The following NDC1 variants were observed in gnomAD, a reference collection of about 807,000 sequenced individuals.
NDC1 encodes the protein nucleoporin NDC1.
A neutral mutation model predicts 89.8 loss-of-function variants in NDC1; 24 were observed. The ratio of observed to expected loss-of-function variants is 0.27; its 90% CI spans 0.19 to 0.38. The LOEUF is 0.38. Among genes scored for constraint, NDC1 ranks in the 10% least tolerant of loss-of-function variants. NDC1 has a pLI of 1.00. For missense variants in NDC1, 728 were observed against 797.6 expected (o/e 0.91, Z 1.05); for synonymous variants, 296 against 284.8 (o/e 1.04, Z -0.39).
chr1:53,785,721 C>T (rs997362275), intron 16 of NDC1, among the ~76,000 whole-genome samples: 6 of 152,082 alleles, frequency 3.9e-5, no homozygotes, highest in Middle Eastern at 3.4e-3. Flanking sequence ...TATAGGTGCG[C>T]ACCACCACAC....
intron 3 of NDC1, among the ~76,000 whole-genome samples, chr1:53,830,736 C>G (rs1035312510): frequency 6.6e-6 from 1 of 151,518 alleles, no homozygotes; most frequent in Non-Finnish European, 1.5e-5. Flanking sequence ...GTGGTGCCTG[C>G]CTGTAATCCC....
At chr1:53,788,977 A>G (rs1249656140) in intron 15 of NDC1, among the ~76,000 whole-genome samples, 156 bp downstream of exon 15, 3 of 152,178 alleles carry the variant, frequency 2.0e-5, no homozygotes, top group Admixed American at 6.5e-5. Flanking sequence ...ACGCCTAAAT[A>G]TATTTTTCAA....
chr1:53,780,497 G>GT (rs1314920532), intron 16 of NDC1, among the ~76,000 whole-genome samples: 1 of 152,294 alleles, frequency 6.6e-6, no homozygotes, highest in Non-Finnish European at 1.5e-5. Flanking sequence ...TTTCCATTCT[G>GT]TATCGTATCA....
At chr1:53,831,890 T>A (rs1282643378) in intron 3 of NDC1, among the ~76,000 whole-genome samples, 2 of 152,054 alleles carry the variant, frequency 1.3e-5, no homozygotes, top group Non-Finnish European at 2.9e-5. Context: ...AGTTTTTTTT[T>A]AATCACAGTA....
intron 3 of NDC1, among the ~76,000 whole-genome samples, chr1:53,832,221 C>G (rs1208299342): frequency 6.6e-6 from 1 of 152,140 alleles, no homozygotes; most frequent in Non-Finnish European, 1.5e-5. Context: ...TGGTAACCAG[C>G]ATTCTACTTT....
intron 8 of NDC1, 118 bp downstream of exon 8, chr1:53,807,538 G>C: frequency 1.3e-6 from 1 of 747,086 alleles, no homozygotes; most frequent in Non-Finnish European, 2.1e-6. Flanking sequence ...TCAGAAGAGA[G>C]ACCAAAAACC....
chr1:53,790,537 T>C (rs1181496262), intron 14 of NDC1, among the ~76,000 whole-genome samples: 1 of 151,594 alleles, frequency 6.6e-6, no homozygotes, highest in Non-Finnish European at 1.5e-5. Flanking sequence ...TAAAACTCCG[T>C]CTCTACTAAA....
chr1:53,831,939 A>T (rs985419331), intron 3 of NDC1, among the ~76,000 whole-genome samples: 1 of 152,114 alleles, frequency 6.6e-6, no homozygotes, highest in Non-Finnish European at 1.5e-5. Flanking sequence ...CTTAGAAATC[A>T]CCTGGTCTTC....
chr1:53,794,996 G>A (rs1193065710), intron 13 of NDC1, among the ~76,000 whole-genome samples: 3 of 152,002 alleles, frequency 2.0e-5, no homozygotes, highest in Non-Finnish European at 4.4e-5. Context: ...TCTCCAATTC[G>A]TCTACCAATC....
In NDC1 at chr1:53,823,442, A is replaced by G. The variant is rs114131281; in HGVS notation, c.594+2356T>C. ...TAACATTTTACCAAAAGAAATTACA[A>G]AAAGAAAGTACTAAAATTTTACAAA... On this transcript the variant is annotated intron_variant, in intron 5 of 17. Transcript: ENST00000371429. 2.1e-3 allele frequency among the ~76,000 whole-genome samples: 317 copies of G among 152,358 alleles called. 1 individual carries two copies. Among genetic ancestry groups the G allele is most frequent in the African/African-American group, 7.4e-3 (308 of 41,594 alleles).
chr1:53,780,221 C>T (rs554453028), intron 16 of NDC1, among the ~76,000 whole-genome samples: 21 of 152,156 alleles, frequency 1.4e-4, no homozygotes, highest in African/African-American at 4.3e-4. Context: ...TACAAGCGTC[C>T]GCCACCACCC....
intron 6 of NDC1, among the ~76,000 whole-genome samples, chr1:53,816,645 C>CAAA (rs547632909): frequency 1.3e-4 from 16 of 121,456 alleles, no homozygotes; most frequent in African/African-American, 4.0e-4. Context: ...AAACAAAAAA[C>CAAA]AAAAAAAAAA....
chr1:53,822,816 T>C (rs941529751), intron 5 of NDC1, among the ~76,000 whole-genome samples: 1 of 152,206 alleles, frequency 6.6e-6, no homozygotes, highest in Admixed American at 6.5e-5. Flanking sequence ...ATGGTTGTTA[T>C]TGCTTATAAA....
chr1:53,826,394 G>C (rs1387805799), intron 4 of NDC1, among the ~76,000 whole-genome samples: 2 of 152,218 alleles, frequency 1.3e-5, no homozygotes, highest in African/African-American at 4.8e-5. Context: ...AAAGCAGATA[G>C]AGTCCCATAC....
At chr1:53,817,554 G>T (rs1468026806) in intron 6 of NDC1, among the ~76,000 whole-genome samples, 1 of 151,994 alleles carries the variant, frequency 6.6e-6, no homozygotes, top group African/African-American at 2.4e-5. Flanking sequence ...TGGGTGATGG[G>T]TGCACCTAAA....
intron 16 of NDC1, among the ~76,000 whole-genome samples, chr1:53,772,731 CAAACATAAT>C (rs1647127996): frequency 2.0e-5 from 3 of 148,330 alleles, no homozygotes; most frequent in African/African-American, 7.5e-5. Flanking sequence ...CAAAACAAAA[CAAACATAAT>C]ATAACATAAA....
intron 10 of NDC1, among the ~76,000 whole-genome samples, chr1:53,801,990 G>A (rs549412609): frequency 1.3e-5 from 2 of 152,156 alleles, no homozygotes; most frequent in African/African-American, 2.4e-5. Flanking sequence ...TGATCCTCCC[G>A]CCTCAGCCTC....
intron 6 of NDC1, among the ~76,000 whole-genome samples, chr1:53,814,226 G>A (rs574090252): frequency 6.6e-6 from 1 of 152,112 alleles, no homozygotes; most frequent in African/African-American, 2.4e-5. Context: ...GTGGTGGCGG[G>A]CACCTGTAGT....
chr1:53,828,878 T>C (rs373997661), intron 3 of NDC1, among the ~76,000 whole-genome samples: 43 of 151,984 alleles, frequency 2.8e-4, no homozygotes, highest in Non-Finnish European at 4.0e-4. Context: ...TCCCAAAGTG[T>C]TGGGATTACA....
Sources: allele counts gnomAD v4.1 joint callset (sites outside exome capture counted in the v4.1 genomes callset), GRCh38; gene constraint gnomAD v4.1.1; transcripts MANE v1.5; gene names NCBI Gene and HGNC (gene_info 2026-07-23, HGNC 2026-07-21).